FUT9: variants seen among roughly 807,000 people sequenced by gnomAD.
FUT9 encodes the protein fucosyltransferase 9.
A neutral mutation model predicts 29.7 loss-of-function variants in FUT9; 15 were observed. The ratio of observed to expected loss-of-function variants is 0.51; its 90% CI spans 0.34 to 0.78. The LOEUF (loss-of-function observed/expected upper bound fraction) is 0.78, where lower values mean the gene tolerates loss of function less well. FUT9 is among the 30% of genes least tolerant of loss of function. FUT9 has a pLI of 0.01. For synonymous variants in FUT9, 169 were observed against 153.7 expected, an observed-to-expected ratio of 1.10 and a Z score of -0.74; for missense variants, 319 against 425.4, an observed-to-expected ratio of 0.75 and a Z score of 2.20.
At chr6:96,076,882 A>G (rs1488174088) in intron 1 of FUT9, among the ~76,000 whole-genome samples, 1 of 152,212 alleles carries the variant, frequency 6.6e-6, no homozygotes, top group East Asian at 1.9e-4. Context: ...TTTATATATC[A>G]GATAAACAAA....
intron 1 of FUT9, among the ~76,000 whole-genome samples, chr6:96,075,236 T>G (rs911537936): frequency 6.6e-6 from 1 of 152,188 alleles, no homozygotes; most frequent in African/African-American, 2.4e-5. Context: ...TTTGTTGTGT[T>G]AGGAGCCAAG....
In FUT9 at chr6:96,101,266, C is replaced by T. The variant is rs546945632; in HGVS notation, c.-97-12773C>T. 2.2e-3 allele frequency among the ~76,000 whole-genome samples: 335 copies of T among 152,180 alleles called. 1 individual carries two copies. The highest frequency in any genetic ancestry group is 6.8e-3 in the Admixed American group (104 of 15,284). The stretch of plus-strand genomic sequence containing the variant: ...TAAGAACATAAAAATGGGCCAGGTG[C>T]GGTGGCTCATGCCCATAATCCCAGC... On this transcript the variant is annotated intron_variant, in intron 1 of 2. Coordinates refer to ENST00000302103, the MANE Select transcript of FUT9 (RefSeq NM_006581.4).
At chr6:96,089,618 A>G (rs559202075) in intron 1 of FUT9, among the ~76,000 whole-genome samples, 1 of 152,334 alleles carries the variant, frequency 6.6e-6, no homozygotes, top group East Asian at 1.9e-4. Flanking sequence ...AACAGTATAC[A>G]TCGATCTCAC....
At chr6:96,020,544 G>A (rs1231902914) in intron 1 of FUT9, among the ~76,000 whole-genome samples, 1 of 152,108 alleles carries the variant, frequency 6.6e-6, no homozygotes, top group Non-Finnish European at 1.5e-5. Flanking sequence ...CTGATAGCCA[G>A]AGGGATCAAT....
At chr6:96,064,864 G>GCTGC (rs1467945037) in intron 1 of FUT9, among the ~76,000 whole-genome samples, 155 of 152,274 alleles carry the variant, frequency 1.0e-3, no homozygotes, top group Non-Finnish European at 5.9e-5. Context: ...TGTTGAGAAA[G>GCTGC]CTGCTGTGCT....
At chr6:96,024,775 A>G (rs547370709) in intron 1 of FUT9, among the ~76,000 whole-genome samples, 5 of 151,616 alleles carry the variant, frequency 3.3e-5, no homozygotes, top group Non-Finnish European at 5.9e-5. Flanking sequence ...CTCTTTCTCA[A>G]TTTTCTAGTG....
chr6:96,197,453 G>A (rs1188209801), intron 2 of FUT9, among the ~76,000 whole-genome samples: 3 of 152,050 alleles, frequency 2.0e-5, no homozygotes, highest in Non-Finnish European at 2.9e-5. Context: ...AAAGTAAATG[G>A]CATTTCTCCC....
At chr6:96,138,393 C>G (rs766282369) in intron 2 of FUT9, among the ~76,000 whole-genome samples, 1 of 151,360 alleles carries the variant, frequency 6.6e-6, no homozygotes, top group Non-Finnish European at 1.5e-5. Context: ...TAGATCAGGA[C>G]GCTGACAAAG....
chr6:96,162,248 T>A (rs1389893611), intron 2 of FUT9, among the ~76,000 whole-genome samples: 5 of 152,190 alleles, frequency 3.3e-5, no homozygotes, highest in African/African-American at 4.8e-5. Flanking sequence ...CCTCTTATTT[T>A]ATTGATATTT....
At chr6:96,104,143 G>A (rs1054106023) in intron 1 of FUT9, among the ~76,000 whole-genome samples, 2 of 152,074 alleles carry the variant, frequency 1.3e-5, no homozygotes, top group Non-Finnish European at 1.5e-5. Context: ...AAGGGTAAGA[G>A]CATTCCTAGT....
chr6:96,146,287 A>G (rs978120516), intron 2 of FUT9, among the ~76,000 whole-genome samples: 2 of 152,310 alleles, frequency 1.3e-5, no homozygotes, highest in African/African-American at 4.8e-5. Context: ...GTGATATCCT[A>G]TTCTATCTAC....
At chr6:96,201,411 T>C (rs1562162941) in intron 2 of FUT9, among the ~76,000 whole-genome samples, 2 of 152,028 alleles carry the variant, frequency 1.3e-5, no homozygotes, top group African/African-American at 4.8e-5. Context: ...AAAGTTTGAG[T>C]ATTTTCAAAT....
intron 1 of FUT9, among the ~76,000 whole-genome samples, chr6:96,077,044 C>T (rs1365461619): frequency 6.6e-6 from 1 of 152,116 alleles, no homozygotes; most frequent in East Asian, 1.9e-4. Flanking sequence ...CTTCCATTCC[C>T]TCCCCAGCCC....
At chr6:96,108,853 T>C (rs926082070) in intron 1 of FUT9, among the ~76,000 whole-genome samples, 5 of 152,128 alleles carry the variant, frequency 3.3e-5, no homozygotes, top group African/African-American at 1.2e-4. Flanking sequence ...CACAGTTCAT[T>C]TGTACACACA....
rs1174983299 is a variant in FUT9 at position 96,153,130 on chromosome 6, G to T, written c.-9+39003G>T. 2.0e-5 allele frequency among the ~76,000 whole-genome samples: 3 copies of T among 147,286 alleles called. No homozygotes were observed. The East Asian group carries it at 5.8e-4, about 28-fold the overall frequency. ...CTGCTTAATAAGTAGATATAAAATT[G>T]GGGTACTTACAAAAAGTATTTAATT... is the stretch of plus-strand genomic sequence containing the variant. On this transcript the variant is annotated intron_variant, in intron 2 of 2. Coordinates refer to ENST00000302103, the MANE Select transcript of FUT9 (RefSeq NM_006581.4).
intron 2 of FUT9, among the ~76,000 whole-genome samples, chr6:96,166,996 C>T (rs568507344): frequency 6.6e-6 from 1 of 152,244 alleles, no homozygotes; most frequent in Non-Finnish European, 1.5e-5. Context: ...TCTCAATCCA[C>T]TGTCAGTTGA....
At chr6:96,076,574 G>C (rs1192984921) in intron 1 of FUT9, among the ~76,000 whole-genome samples, 1 of 152,108 alleles carries the variant, frequency 6.6e-6, no homozygotes, top group Non-Finnish European at 1.5e-5. Context: ...TTTGAAAATG[G>C]AACTGCTGAG....
rs528226851 is a variant in FUT9, at chr6:96,180,666, C to T, written c.-8-22482C>T. 2.8e-3 allele frequency among the ~76,000 whole-genome samples: 427 copies of T among 152,172 alleles called. 1 individual carries two copies. The highest frequency in any genetic ancestry group is 5.0e-3 in the Admixed American group (76 of 15,234). On this transcript the variant is annotated intron_variant, in intron 2 of 2. Coordinates refer to ENST00000302103, the MANE Select transcript of FUT9 (RefSeq NM_006581.4). ...CTAGTAACCACTATTCTGCTCTCTG[C>T]TTCTGTAAGAACAACTTTCTTAGCT...
chr6:96,032,955 T>C (rs1159067802), intron 1 of FUT9, among the ~76,000 whole-genome samples: 1 of 151,634 alleles, frequency 6.6e-6, no homozygotes, highest in Non-Finnish European at 1.5e-5. Flanking sequence ...CAGATTTGCA[T>C]CCTGTTCAAC....
Sources: allele counts gnomAD v4.1 joint callset (sites outside exome capture counted in the v4.1 genomes callset), GRCh38; gene constraint gnomAD v4.1.1; transcripts MANE v1.5; gene names NCBI Gene and HGNC (gene_info 2026-07-23, HGNC 2026-07-21).